The following PCNT variants were observed in gnomAD, a reference collection of about 807,000 sequenced individuals.
PCNT encodes kendrin.
PCNT carries 319 observed loss-of-function variants against 380.4 expected under a neutral mutation model. The ratio of observed to expected loss-of-function variants is 0.84; its 90% CI spans 0.77 to 0.92. PCNT has a LOEUF of 0.92. PCNT is among the 40% of genes least tolerant of loss of function. The pLI, the probability that PCNT is intolerant of heterozygous loss-of-function variation, is 0.00. For missense variants in PCNT, 4,400 were observed against 4,255.3 expected, an observed-to-expected ratio of 1.03 and a Z score of -0.95; for synonymous variants, 1,845 against 1,735.2, an observed-to-expected ratio of 1.06 and a Z score of -1.57.
chr21:46,438,095 CAAAA>C, intron 40 of PCNT, 65 bp from the exon 41 acceptor site: 2 of 1,277,996 alleles, frequency 1.6e-6, no homozygotes, highest in Non-Finnish European at 2.2e-6. Flanking sequence ...TAACTGTTGA[CAAAA>C]AACACAAGTA....
Position 46,415,996 on chromosome 21 carries a change from C to T in PCNT, c.6151-73C>T, listed in dbSNP as rs1329925838. 13 of 1,475,282 alleles carry T rather than the reference C, an allele frequency of 8.8e-6. No individual in the cohort carries two copies. The East Asian group carries it at 1.1e-4, about 13-fold the overall frequency. The allele number at this position is 1,475,282 out of a possible 1,614,324, so 91.4% of individuals were successfully genotyped here. A position where few individuals can be genotyped will look rare whatever the true frequency, so the allele number is the denominator to read the frequency against. ...GCTCCGAAACTCCCTGAAATCCACT[C>T]ATTAACACCAGACAGGTGCGACTCC... is the stretch of plus-strand genomic sequence containing the variant. On this transcript the variant is annotated intron_variant, in intron 29 of 46. Transcript: ENST00000359568.
rs559314612 is a variant in PCNT, at chr21:46,379,301, C to T, written c.3166-2393C>T. 5.0e-3 allele frequency among the ~76,000 whole-genome samples: 754 copies of T among 151,492 alleles called. 6 individuals are homozygous for T. The highest frequency in any genetic ancestry group is 0.01 in the Middle Eastern group (3 of 294). On this transcript the variant is annotated intron_variant, in intron 15 of 46. Coordinates refer to ENST00000359568, the MANE Select transcript of PCNT (RefSeq NM_006031.6). Reference sequence around the variant, plus strand: ...GTGAGCCGCGCCCGTCTTCCCGGGCCGCGTGTCGTGAGCCGCACCCATCTT... The same window carrying T: ...GTGAGCCGCGCCCGTCTTCCCGGGCTGCGTGTCGTGAGCCGCACCCATCTT...
intron 16 of PCNT, among the ~76,000 whole-genome samples, chr21:46,385,012 A>C (rs1456162962): frequency 6.6e-6 from 1 of 152,182 alleles, no homozygotes; most frequent in Non-Finnish European, 1.5e-5. Context: ...CCATCTCCAG[A>C]AGTCTTCATC....
chr21:46,442,718 G>A (rs1335425010), intron 44 of PCNT, 145 bp downstream of exon 44: 8 of 698,522 alleles, frequency 1.1e-5, no homozygotes, highest in East Asian at 5.4e-5. Flanking sequence ...CAGAGCAGTC[G>A]TCCAGAGGGA....
Position 46,346,862 on chromosome 21 carries a change from G to A in PCNT, c.840G>A (p.Leu280=). The A allele has an allele frequency of 1.9e-6, 3 of 1,608,558 alleles. No homozygotes were observed. The highest frequency in any genetic ancestry group is 2.5e-6 in the Non-Finnish European group (3 of 1,178,102). Residue 280 remains leucine, a synonymous_variant, in exon 5 of 47, where the codon CTG becomes CTA. Transcript: ENST00000359568. The part of the protein sequence containing the change: ...QKEKETALTE[L]REMLNSRRAQ... Reference sequence around the variant, plus strand: ...AGAAGGAGACGGCATTGACGGAGCTGCGGGAGATGCTCAACAGCCGGCGTG... The same window carrying A: ...AGAAGGAGACGGCATTGACGGAGCTACGGGAGATGCTCAACAGCCGGCGTG...
chr21:46,341,072 T>TA (rs1555948743), intron 3 of PCNT, among the ~76,000 whole-genome samples: 2 of 152,168 alleles, frequency 1.3e-5, no homozygotes, highest in Admixed American at 6.5e-5. Flanking sequence ...TTAGTAGAGA[T>TA]GGGTTTCCCC....
At chr21:46,336,313 C>G (rs904250678) in intron 3 of PCNT, among the ~76,000 whole-genome samples, 1 of 152,166 alleles carries the variant, frequency 6.6e-6, no homozygotes, top group African/African-American at 2.4e-5. Context: ...CAGGAAAGAT[C>G]TAACTCCTAG....
chr21:46,427,473 TG>T, intron 33 of PCNT, 148 bp from the exon 34 acceptor site: 1 of 814,788 alleles, frequency 1.2e-6, no homozygotes, highest in Non-Finnish European at 2.0e-6. Flanking sequence ...GAGTGAGCTC[TG>T]GTGTCTCTTC....
chr21:46,325,184 C>T (rs1391427678), intron 1 of PCNT: 2 of 985,752 alleles, frequency 2.0e-6, no homozygotes, highest in Non-Finnish European at 2.4e-6. Context: ...CGAGGCGGAA[C>T]CGCGGGAGCA....
chr21:46,412,667 G>A lies in PCNT; in HGVS notation c.5995-170G>A, dbSNP rs116982903. ...AGCTTTCTGCTGGGTCCTCAGCCCC[G>A]TTCCCATGTGGCCTGCTGTGGACCA... On this transcript the variant is annotated intron_variant, in intron 28 of 46. Coordinates refer to ENST00000359568, the MANE Select transcript of PCNT (RefSeq NM_006031.6). Among the ~76,000 whole-genome samples, 965 of 152,312 alleles carry A rather than the reference G, an allele frequency of 6.3e-3. 4 individuals carry two copies. Among genetic ancestry groups the A allele is most frequent in the Non-Finnish European group, 9.2e-3 (628 of 68,026 alleles).
In PCNT at chr21:46,351,511, C is replaced by A; in HGVS notation, c.1427C>A (p.Ser476Tyr). Reference sequence around the variant, plus strand: ...AGGCGCTTGTGGTCCCAGCTTGATTCTGCCAGGACCAGTAGACAGGAATTG... The same window carrying A: ...AGGCGCTTGTGGTCCCAGCTTGATTATGCCAGGACCAGTAGACAGGAATTG... ...EIRRLWSQLD[S>Y]ARTSRQELSE... The change falls in exon 9 of 47, where the codon TCT becomes TAT. Residue 476 changes from serine to tyrosine, a missense_variant. Physicochemically the swap from Ser to Tyr is moderately radical, Grantham distance 144. Transcript: ENST00000359568. The A allele has an allele frequency of 6.2e-7, 1 of 1,609,684 alleles. No homozygotes were observed.
At chr21:46,380,145 ATTTTTTTTTTTTTTTTTTTTTTT>A (rs552854585) in intron 15 of PCNT, among the ~76,000 whole-genome samples, 5,534 of 59,892 alleles carry the variant, frequency 0.092, 242 homozygotes, top group Non-Finnish European at 0.11. Context: ...CCTGGGGTAG[ATTTTTTTTTTTTTTTTTTTTTTT>A]TTTTTTTTTT....
chr21:46,396,744 C>T (rs1038511159), intron 21 of PCNT, among the ~76,000 whole-genome samples: 1 of 152,130 alleles, frequency 6.6e-6, no homozygotes, highest in Non-Finnish European at 1.5e-5. Context: ...GCTGGGATTA[C>T]AGGCACACGC....
At chr21:46,422,858 T>TG (rs2087313410) in intron 32 of PCNT, among the ~76,000 whole-genome samples, 1 of 152,212 alleles carries the variant, frequency 6.6e-6, no homozygotes, top group Non-Finnish European at 1.5e-5. Context: ...CAGAGGGCCC[T>TG]GAGGGTGCCT....
At chr21:46,401,177 A>G (rs183883879) in intron 25 of PCNT, among the ~76,000 whole-genome samples, 1 of 152,288 alleles carries the variant, frequency 6.6e-6, no homozygotes, top group East Asian at 1.9e-4. Context: ...TTGTTTGAAA[A>G]ATTTTTTCTA....
chr21:46,427,308 G>A (rs1003998326), intron 33 of PCNT, among the ~76,000 whole-genome samples: 2 of 152,206 alleles, frequency 1.3e-5, no homozygotes, highest in Admixed American at 1.3e-4. Context: ...CTCAGCTGCC[G>A]TAACAGAACA....
At chr21:46,390,279 C>G (rs905060290) in intron 19 of PCNT, among the ~76,000 whole-genome samples, 1 of 152,242 alleles carries the variant, frequency 6.6e-6, no homozygotes. Context: ...CACCACTGCA[C>G]TCCAGCCTGG....
chr21:46,324,545 G>A (rs1225813464), intron 1 of PCNT, among the ~76,000 whole-genome samples: 1 of 107,312 alleles, frequency 9.3e-6, no homozygotes, highest in Non-Finnish European at 2.0e-5. Flanking sequence ...GCGGGCCGGG[G>A]CGGGGCTGCG....
In PCNT at chr21:46,357,056, G is replaced by A. The variant is rs868039816; in HGVS notation, c.2019G>A (p.Leu673=). The change falls in exon 13 of 47, where the codon CTG becomes CTA. Residue 673 remains leucine (L), a synonymous_variant. Transcript: ENST00000359568. ...AGCGGGCAGCCAGAGTCTTGGGTCT[G>A]GAAACTGAGCACAAGGTGCAACTTT... ...DTERAARVLG[L]ETEHKVQLSL... The A allele has an allele frequency of 3.7e-6, 6 of 1,614,224 alleles. No homozygotes were observed. The Middle Eastern group carries it at 8.3e-4, about 222-fold the overall frequency.
Sources: allele counts gnomAD v4.1 joint callset (sites outside exome capture counted in the v4.1 genomes callset), GRCh38; gene constraint gnomAD v4.1.1; transcripts MANE v1.5; gene names NCBI Gene and HGNC (gene_info 2026-07-23, HGNC 2026-07-21).